Variants in SLC22A25 observed in about 807,000 individuals in gnomAD.
The protein encoded by SLC22A25 is MGI:2442751, MGI:2385316, MGI:3042283, MGI:3645714, MGI:3605624, MGI:2442750.
Under a neutral mutation model 45.9 loss-of-function variants are expected in SLC22A25, and 44 were observed. The observed-to-expected ratio is 0.96, with a 90% CI of 0.75 to 1.23. The LOEUF (loss-of-function observed/expected upper bound fraction) is 1.23, where lower values mean the gene tolerates loss of function less well. SLC22A25 is among the 50% of genes most tolerant of loss of function. The probability of loss-of-function intolerance (pLI) is 0.00; values close to 1 mark genes in which losing one functional copy is unlikely to be tolerated. For synonymous variants in SLC22A25, 283 were observed against 238.6 expected (o/e 1.19, Z -1.72); for missense variants, 800 against 666.4 (o/e 1.20, Z -2.21).
intron 7 of SLC22A25, among the ~76,000 whole-genome samples, chr11:63,192,496 C>G (rs1453925660): frequency 6.6e-6 from 1 of 152,044 alleles, no homozygotes; most frequent in Non-Finnish European, 1.5e-5. Flanking sequence ...CAATACTAAC[C>G]TTAAATGTAA....
intron 7 of SLC22A25, among the ~76,000 whole-genome samples, chr11:63,186,986 C>T (rs1416403735): frequency 6.6e-6 from 1 of 152,106 alleles, no homozygotes; most frequent in Non-Finnish European, 1.5e-5. Flanking sequence ...CATGGTGCCT[C>T]CCGCTTTGTT....
chr11:63,193,721 A>C (rs1470741903), intron 7 of SLC22A25, among the ~76,000 whole-genome samples: 2 of 152,246 alleles, frequency 1.3e-5, no homozygotes, highest in African/African-American at 4.8e-5. Flanking sequence ...AAGAGCAGAA[A>C]AGCTGAAAAT....
chr11:63,191,348 G>T (rs113159993), intron 7 of SLC22A25, among the ~76,000 whole-genome samples: 1,550 of 152,342 alleles, frequency 0.01, 31 homozygotes, highest in South Asian at 0.037. Flanking sequence ...TTCTGAGTCA[G>T]GCATGGGATA....
intron 9 of SLC22A25, among the ~76,000 whole-genome samples, chr11:63,176,130 A>G (rs1414538480): frequency 1.3e-5 from 2 of 151,954 alleles, no homozygotes; most frequent in Non-Finnish European, 2.9e-5. Context: ...TTGCTTTGCA[A>G]TATGTTTTGA....
At chr11:63,177,831 T>C (rs2088150342) in intron 9 of SLC22A25, among the ~76,000 whole-genome samples, 1 of 141,840 alleles carries the variant, frequency 7.1e-6, no homozygotes, top group South Asian at 2.1e-4. Context: ...AATGTATATA[T>C]ATAATGTGTA....
chr11:63,232,261 G>A (rs1436816440), intron 3 of SLC22A25, among the ~76,000 whole-genome samples: 27 of 152,086 alleles, frequency 1.8e-4, no homozygotes, highest in South Asian at 4.2e-4. Flanking sequence ...CTTCCTACCC[G>A]TGAGCATGGA....
chr11:63,240,578 A>G (rs2134866086), intron 1 of SLC22A25, among the ~76,000 whole-genome samples: 1 of 152,348 alleles, frequency 6.6e-6, no homozygotes, highest in South Asian at 2.1e-4. Context: ...AACACTTAAA[A>G]TATAAACATG....
chr11:63,220,048 G>C, intron 5 of SLC22A25: 3 of 1,272,166 alleles, frequency 2.4e-6, no homozygotes, highest in Non-Finnish European at 3.1e-6. Context: ...CATACGGTAA[G>C]TTAGAGGGTA....
At chr11:63,193,911 C>T (rs1047273989) in intron 7 of SLC22A25, among the ~76,000 whole-genome samples, 2 of 152,086 alleles carry the variant, frequency 1.3e-5, no homozygotes, top group African/African-American at 2.4e-5. Flanking sequence ...AGCTAAAAAC[C>T]TTGAAAAAAG....
At chr11:63,175,229 C>A (rs1217529501) in intron 9 of SLC22A25, among the ~76,000 whole-genome samples, 1 of 152,216 alleles carries the variant, frequency 6.6e-6, no homozygotes, top group East Asian at 1.9e-4. Flanking sequence ...TAACAGTGTA[C>A]AATGGTTCCA....
intron 3 of SLC22A25, among the ~76,000 whole-genome samples, chr11:63,230,591 G>A (rs1038266084): frequency 4.6e-5 from 7 of 152,068 alleles, no homozygotes; most frequent in African/African-American, 1.7e-4. Flanking sequence ...TCTTTAAAAT[G>A]TATACCTCAT....
chr11:63,217,725 T>C lies in SLC22A25; in HGVS notation c.517A>G (p.Lys173Glu). ...AGGTAAGACCATCTGAGCACGAACT[T>C]TCTCCCAAACCTGAGAAACAGGGGC... ...YGHLSDRFGR[K>E]FVLRWSYLQL... The change falls in exon 6 of 12, where the codon AAG (lysine) becomes GAG (glutamate). Residue 173 changes from lysine to glutamate, a missense_variant. Lys to Glu is a moderately conservative substitution (Grantham distance 56). Transcript: ENST00000306494. 6.2e-7 allele frequency: 1 copy of C among 1,607,042 alleles called. No individual in the cohort carries two copies. The highest frequency in any genetic ancestry group is 8.5e-7 in the Non-Finnish European group (1 of 1,178,212).
Position 63,163,772 on chromosome 11 carries a change from C to T in SLC22A25, c.*52G>A. 6.4e-7 allele frequency: 1 copy of T among 1,560,384 alleles called. No homozygotes were observed. The highest frequency in any genetic ancestry group is 8.7e-7 in the Non-Finnish European group (1 of 1,156,032). ...ACATGGGAATAGCCCAGATCTAAGC[C>T]TTTTTGGGGGATGGTAGCCCTAAAT... On this transcript the variant is annotated 3_prime_UTR_variant, in exon 12 of 12. Transcript: ENST00000306494.
intron 9 of SLC22A25, among the ~76,000 whole-genome samples, chr11:63,172,979 C>G (rs113729609): frequency 0.018 from 2,667 of 152,078 alleles, 68 homozygotes; most frequent in African/African-American, 0.048. Context: ...AAATGCCCAT[C>G]AATGATAGAC....
At chr11:63,173,663 T>C (rs2087974026) in intron 9 of SLC22A25, among the ~76,000 whole-genome samples, 1 of 152,096 alleles carries the variant, frequency 6.6e-6, no homozygotes, top group African/African-American at 2.4e-5. Context: ...AATTCAGGCA[T>C]TTGCCTGGAA....
chr11:63,239,670 C>T (rs955441656), intron 1 of SLC22A25, among the ~76,000 whole-genome samples: 1 of 152,186 alleles, frequency 6.6e-6, no homozygotes, highest in African/African-American at 2.4e-5. Flanking sequence ...TAACAGCTCT[C>T]TGCTTCAGGT....
At chr11:63,198,559 G>A (rs559465989) in intron 7 of SLC22A25, among the ~76,000 whole-genome samples, 2 of 152,022 alleles carry the variant, frequency 1.3e-5, no homozygotes, top group Non-Finnish European at 2.9e-5. Context: ...ATCACACCAG[G>A]GCCTGTCATG....
intron 9 of SLC22A25, among the ~76,000 whole-genome samples, chr11:63,171,631 A>G (rs1310677204): frequency 1.3e-5 from 2 of 152,236 alleles, no homozygotes; most frequent in African/African-American, 2.4e-5. Context: ...AAGGAGAACT[A>G]CAAACCACTG....
At chr11:63,237,653 G>A (rs1386619451) in intron 3 of SLC22A25, among the ~76,000 whole-genome samples, 1 of 152,128 alleles carries the variant, frequency 6.6e-6, no homozygotes, top group African/African-American at 2.4e-5. Flanking sequence ...TAAATCACAT[G>A]TTGTGGCACC....
Sources: allele counts gnomAD v4.1 joint callset (sites outside exome capture counted in the v4.1 genomes callset), GRCh38; gene constraint gnomAD v4.1.1; transcripts MANE v1.5; gene names NCBI Gene and HGNC (gene_info 2026-07-23, HGNC 2026-07-21).